DLG2: variants seen among roughly 807,000 people sequenced by gnomAD.
DLG2 encodes the protein discs large MAGUK scaffold protein 2, also known as disks large homolog 2.
DLG2 carries 45 observed loss-of-function variants against 132.5 expected under a neutral mutation model. The observed-to-expected ratio is 0.34, with a 90% CI of 0.27 to 0.44. The LOEUF is 0.44. DLG2 is among the 20% of genes least tolerant of loss of function. The pLI is 1.00. For missense variants in DLG2, 1,045 were observed against 1,196.9 expected (o/e 0.87, Z 1.87); for synonymous variants, 424 against 419.6 (o/e 1.01, Z -0.13).
chr11:83,741,595 C>G (rs1197764457), intron 18 of DLG2, among the ~76,000 whole-genome samples: 1 of 152,022 alleles, frequency 6.6e-6, no homozygotes, highest in Non-Finnish European at 1.5e-5. Flanking sequence ...TACAGCTAAT[C>G]AAGGAGGTGA....
At chr11:85,559,444 C>A (rs937591101) in intron 3 of DLG2, among the ~76,000 whole-genome samples, 1 of 151,514 alleles carries the variant, frequency 6.6e-6, no homozygotes, top group Non-Finnish European at 1.5e-5. Context: ...CCACTGCGCC[C>A]GGCCACATGG....
rs190180287 is a variant in DLG2 at position 84,265,004 on chromosome 11, T to A, written c.520-13713A>T. ...TTTAATACTAGTCTAATTTTGAATA[T>A]CATAAAAGTAGTAATAAAAGAGTTT... On this transcript the variant is annotated intron_variant, in intron 7 of 27. Coordinates refer to ENST00000376104, the MANE Select transcript of DLG2 (RefSeq NM_001142699.3). 5.3e-5 allele frequency among the ~76,000 whole-genome samples: 8 copies of A among 152,284 alleles called. No homozygotes were observed. The East Asian group carries it at 7.7e-4, about 15-fold the overall frequency.
intron 7 of DLG2, among the ~76,000 whole-genome samples, chr11:84,402,228 A>G (rs966332263): frequency 2.6e-5 from 4 of 152,208 alleles, no homozygotes; most frequent in Non-Finnish European, 5.9e-5. Context: ...GCATTATGTT[A>G]GCCTAACCAG....
chr11:84,617,811 C>T (rs1593931732), intron 6 of DLG2, among the ~76,000 whole-genome samples: 2 of 152,076 alleles, frequency 1.3e-5, no homozygotes, highest in Admixed American at 1.3e-4. Flanking sequence ...TTCTGGAAAC[C>T]TAATTCATAT....
intron 7 of DLG2, among the ~76,000 whole-genome samples, chr11:84,306,852 G>A (rs2098224746): frequency 1.3e-5 from 2 of 152,106 alleles, no homozygotes; most frequent in Non-Finnish European, 2.9e-5. Context: ...ACAGATGTTG[G>A]CGAGCTTGTT....
intron 18 of DLG2, among the ~76,000 whole-genome samples, chr11:83,669,275 A>G (rs2076413726): frequency 6.6e-6 from 1 of 152,144 alleles, no homozygotes; most frequent in African/African-American, 2.4e-5. Context: ...TCGCACCTCT[A>G]GCAATAACTT....
intron 6 of DLG2, among the ~76,000 whole-genome samples, chr11:84,939,373 T>C (rs1482136967): frequency 6.6e-6 from 1 of 152,226 alleles, no homozygotes; most frequent in Admixed American, 6.5e-5. Flanking sequence ...ATCTATCACC[T>C]CAAGGATTTA....
At chr11:85,483,179 G>C (rs924058499) in intron 3 of DLG2, among the ~76,000 whole-genome samples, 2 of 152,292 alleles carry the variant, frequency 1.3e-5, no homozygotes, top group South Asian at 2.1e-4. Flanking sequence ...CTATTAGCAA[G>C]AGAAAATTAG....
intron 6 of DLG2, among the ~76,000 whole-genome samples, chr11:84,697,577 C>A (rs886698651): frequency 1.3e-5 from 2 of 151,480 alleles, no homozygotes; most frequent in Admixed American, 1.3e-4. Context: ...AATGCTTACA[C>A]ACTGAGCCAC....
chr11:84,960,699 A>G (rs758495446), intron 6 of DLG2, among the ~76,000 whole-genome samples: 27 of 152,118 alleles, frequency 1.8e-4, no homozygotes, highest in Non-Finnish European at 3.7e-4. Flanking sequence ...TTGGCTTCCC[A>G]ATTAAAATTT....
chr11:84,265,020 A>G (rs2097598064), intron 7 of DLG2, among the ~76,000 whole-genome samples: 1 of 152,194 alleles, frequency 6.6e-6, no homozygotes, highest in African/African-American at 2.4e-5. Flanking sequence ...AAGTAGTAAT[A>G]AAAGAGTTTA....
chr11:84,882,293 G>T (rs1287632295), intron 6 of DLG2, among the ~76,000 whole-genome samples: 1 of 151,602 alleles, frequency 6.6e-6, no homozygotes, highest in East Asian at 1.9e-4. Context: ...TGGGGAAAGG[G>T]TTTGTGACTT....
At chr11:85,036,760 T>C (rs1385275890) in intron 6 of DLG2, among the ~76,000 whole-genome samples, 1 of 152,224 alleles carries the variant, frequency 6.6e-6, no homozygotes, top group African/African-American at 2.4e-5. Context: ...TTACATGGCT[T>C]ATATAAAACA....
At chr11:85,016,329 T>C (rs778054488) in intron 6 of DLG2, among the ~76,000 whole-genome samples, 3 of 152,182 alleles carry the variant, frequency 2.0e-5, no homozygotes, top group Admixed American at 6.6e-5. Context: ...CCTATCTTAA[T>C]GGTTATTCAC....
At chr11:84,633,533 G>A (rs921561609) in intron 6 of DLG2, among the ~76,000 whole-genome samples, 4 of 151,682 alleles carry the variant, frequency 2.6e-5, no homozygotes, top group Admixed American at 2.0e-4. Flanking sequence ...CCTATCCCTG[G>A]ATGATAGGAA....
chr11:84,088,178 G>A (rs997002625), intron 10 of DLG2, among the ~76,000 whole-genome samples: 3 of 151,930 alleles, frequency 2.0e-5, no homozygotes, highest in Non-Finnish European at 4.4e-5. Flanking sequence ...TGCTTTTTGT[G>A]TCATATAAAG....
At chr11:84,898,257 T>C (rs1384497927) in intron 6 of DLG2, among the ~76,000 whole-genome samples, 3 of 152,010 alleles carry the variant, frequency 2.0e-5, no homozygotes, top group East Asian at 3.9e-4. Context: ...TTCACTAATT[T>C]ATTAAACAAA....
chr11:83,645,113 A>G (rs765001307), intron 18 of DLG2, among the ~76,000 whole-genome samples: 1 of 152,110 alleles, frequency 6.6e-6, no homozygotes, highest in South Asian at 2.1e-4. Context: ...GTAAGTGTAA[A>G]TAAGAGTCTT....
At chr11:85,222,721 A>AT (rs1270818469) in intron 4 of DLG2, among the ~76,000 whole-genome samples, 1 of 152,218 alleles carries the variant, frequency 6.6e-6, no homozygotes, top group Non-Finnish European at 1.5e-5. Context: ...AAATAAATAA[A>AT]TACATTAAAT....
Sources: gnomAD v4.1 joint callset for allele counts (sites outside exome capture counted in the v4.1 genomes callset) on GRCh38, gnomAD v4.1.1 for gene constraint, MANE v1.5 for transcripts, NCBI Gene and HGNC (gene_info 2026-07-23, HGNC 2026-07-21) for gene names.